The following PTPRS variants were observed in gnomAD, a reference collection of about 807,000 sequenced individuals.
PTPRS encodes the protein protein tyrosine phosphatase receptor type S.
A neutral mutation model predicts 215.3 loss-of-function variants in PTPRS; 63 were observed. That is an observed-to-expected ratio of 0.29 (90% CI 0.24 to 0.36). The LOEUF (loss-of-function observed/expected upper bound fraction) is 0.36, where lower values mean the gene tolerates loss of function less well. Among genes scored for constraint, PTPRS ranks in the 10% least tolerant of loss-of-function variants. The probability of loss-of-function intolerance (pLI) is 1.00; values close to 1 mark genes in which losing one functional copy is unlikely to be tolerated. For synonymous variants in PTPRS, 1,404 were observed against 1,191.4 expected, an observed-to-expected ratio of 1.18 and a Z score of -3.68; for missense variants, 2,258 against 2,825.8, an observed-to-expected ratio of 0.80 and a Z score of 4.56.
In PTPRS at chr19:5,215,606, G is replaced by A. The variant is rs762109045; in HGVS notation, c.4097-11C>T. On this transcript the variant is annotated splice_polypyrimidine_tract_variant and intron_variant, in intron 26 of 37. Coordinates refer to ENST00000262963, the MANE Select transcript of PTPRS (RefSeq NM_002850.4). ...GGTGGCTAAGCATGCCTACAGGGTG[G>A]AGCAGACCCCGCCGGGGTTGGTCAC... is the stretch of plus-strand genomic sequence containing the variant. 3.9e-5 allele frequency: 62 copies of A among 1,586,558 alleles called. No individual in the cohort carries two copies. The highest frequency in any genetic ancestry group is 4.6e-5 in the Non-Finnish European group (53 of 1,163,540).
intron 1 of PTPRS, among the ~76,000 whole-genome samples, chr19:5,288,125 G>A (rs566721284): frequency 7.8e-4 from 119 of 152,170 alleles, no homozygotes; most frequent in African/African-American, 2.8e-3. Flanking sequence ...TGGTGGGGCA[G>A]GCAGTACACA....
intron 1 of PTPRS, among the ~76,000 whole-genome samples, chr19:5,322,955 T>C (rs933288304): frequency 6.6e-6 from 1 of 151,470 alleles, no homozygotes; most frequent in African/African-American, 2.4e-5. Flanking sequence ...CAGAGCCTCA[T>C]TTCTTCCCCT....
chr19:5,246,085 A>G (rs1599666702), intron 9 of PTPRS, 40 bp from the exon 10 acceptor site: 1 of 794,324 alleles, frequency 1.3e-6, no homozygotes, highest in South Asian at 2.1e-5. Flanking sequence ...GGGAGATGCG[A>G]GGGGTGAGGT....
At position 5,219,961 on chromosome 19, in the gene PTPRS, G is replaced by A; in HGVS notation, c.3743C>T (p.Ala1248Val). 6.2e-7 allele frequency: 1 copy of A among 1,613,864 alleles called. No homozygotes were observed. The highest frequency in any genetic ancestry group is 8.5e-7 in the Non-Finnish European group (1 of 1,179,926). Residue 1248 changes from alanine (A) to valine (V), a missense_variant, in exon 22 of 38, where the codon GCC (alanine) becomes GTC (valine). By Grantham distance (64) the Ala-to-Val change is moderately conservative (BLOSUM62 0). Coordinates refer to ENST00000262963, the MANE Select transcript of PTPRS (RefSeq NM_002850.4). The part of the protein sequence containing the change: ...PGHRYVLFVL[A>V]VLQKSEPTFA... ...TACAGGCTCGCTCTTCTGAAGCACG[G>A]CAAGCACGAAGAGGACATAGCGGTG...
In PTPRS at chr19:5,233,722, T is replaced by C. The variant is rs2043197940; in HGVS notation, c.1850-2107A>G. Among the ~76,000 whole-genome samples, 3 of 151,014 alleles carry C rather than the reference T, an allele frequency of 2.0e-5. No individual in the cohort carries two copies. In the South Asian group the frequency reaches 6.3e-4, roughly 32 times the overall value. On this transcript the variant is annotated intron_variant, in intron 13 of 37. Transcript: ENST00000262963. Reference sequence around the variant, plus strand: ...ACTTTGGGAGGCCGAGGTGGGTGGATCACGAGGTCAGGAGTTAGAGAGACC... The same window carrying C: ...ACTTTGGGAGGCCGAGGTGGGTGGACCACGAGGTCAGGAGTTAGAGAGACC...
At chr19:5,225,706 G>A (rs1384818333) in intron 17 of PTPRS, 21 bp downstream of exon 17, 2 of 1,598,136 alleles carry the variant, frequency 1.3e-6, no homozygotes, top group African/African-American at 1.3e-5. Context: ...TTGGTGGGTG[G>A]GAGGAGGGCG....
chr19:5,223,288 C>T lies in PTPRS; in HGVS notation c.2504G>A (p.Arg835His), dbSNP rs746587534. Reference sequence around the variant, plus strand: ...GGTCTGCTGCACCGACAGGGTTGGGCGGCCCAGCACTGCGGGGATACGGGG... The same window carrying T: ...GGTCTGCTGCACCGACAGGGTTGGGTGGCCCAGCACTGCGGGGATACGGGG... ...VVVTKGAVLGRPTLSVQQTPE... is the reference protein window; with the variant it reads ...VVVTKGAVLGHPTLSVQQTPE... Residue 835 changes from arginine to histidine, a missense_variant, in exon 18 of 38, where the codon CGC becomes CAC. Arg to His is a conservative substitution (Grantham distance 29). Around this residue, in one of 6 missense-constraint regions of PTPRS, gnomAD observed 371 missense variants for 446.7 expected, o/e 0.83. Coordinates refer to ENST00000262963, the MANE Select transcript of PTPRS (RefSeq NM_002850.4). 15 of 1,459,250 alleles carry T rather than the reference C, an allele frequency of 1.0e-5. No individual in the cohort carries two copies. The Admixed American group carries it at 1.8e-4, about 17-fold the overall frequency. The allele number at this position is 1,459,250 out of a possible 1,614,324, so 90.4% of individuals were successfully genotyped here.
intron 9 of PTPRS, among the ~76,000 whole-genome samples, chr19:5,247,990 G>A (rs2044652872): frequency 6.6e-6 from 1 of 150,586 alleles, no homozygotes; most frequent in Non-Finnish European, 1.5e-5. Context: ...GGAGACAGAA[G>A]GGCCATGCAC....
chr19:5,308,333 C>G (rs2049570349), intron 1 of PTPRS, among the ~76,000 whole-genome samples: 1 of 152,130 alleles, frequency 6.6e-6, no homozygotes, highest in Non-Finnish European at 1.5e-5. Context: ...GATGGGAACT[C>G]TTTAACTATA....
At chr19:5,280,749 T>C (rs1364056757) in intron 2 of PTPRS, among the ~76,000 whole-genome samples, 1 of 151,552 alleles carries the variant, frequency 6.6e-6, no homozygotes, top group Non-Finnish European at 1.5e-5. Context: ...AAAAAATCAC[T>C]AGACCCACCA....
At chr19:5,211,139 G>A (rs1256191233) in intron 33 of PTPRS, among the ~76,000 whole-genome samples, 1 of 152,188 alleles carries the variant, frequency 6.6e-6, no homozygotes, top group East Asian at 1.9e-4. Flanking sequence ...CCGGGCCTTT[G>A]CACATGTGGC....
In PTPRS at chr19:5,240,294, A is replaced by C. The variant is rs769272223; in HGVS notation, c.1609T>G (p.Ser537Ala). ...QPMNLRAEAR[S>A]ETSITLSWSP... ...CAGGACAGCGTGATGCTGGTCTCCGACCTGGCCTCGGCCCGCAGGTTCATG... is the reference window on the plus strand; with the variant it reads ...CAGGACAGCGTGATGCTGGTCTCCGCCCTGGCCTCGGCCCGCAGGTTCATG... The change falls in exon 12 of 38, where the codon TCG becomes GCG. Residue 537 changes from serine to alanine, a missense_variant. Ser to Ala is a moderately conservative substitution (Grantham distance 99). Coordinates refer to ENST00000262963, the MANE Select transcript of PTPRS (RefSeq NM_002850.4). The C allele has an allele frequency of 3.1e-6, 5 of 1,603,488 alleles. No homozygotes were observed. The highest frequency in any genetic ancestry group is 4.3e-6 in the Non-Finnish European group (5 of 1,176,240).
chr19:5,291,131 G>A (rs1301132990), intron 1 of PTPRS, among the ~76,000 whole-genome samples: 5 of 152,030 alleles, frequency 3.3e-5, no homozygotes, highest in East Asian at 3.9e-4. Context: ...GTATTGGGAC[G>A]ACGTGAAGGC....
rs893688199 is a variant in PTPRS, at chr19:5,287,833, G to A, written c.-94-1599C>T. 6.6e-6 allele frequency among the ~76,000 whole-genome samples: 1 copy of A among 151,918 alleles called. No individual in the cohort carries two copies. The highest frequency in any genetic ancestry group is 6.6e-5 in the Admixed American group (1 of 15,250). On this transcript the variant is annotated intron_variant, in intron 1 of 37. Coordinates refer to ENST00000262963, the MANE Select transcript of PTPRS (RefSeq NM_002850.4). The surrounding 1 kb of genome is among the most constrained non-coding windows in gnomAD (Gnocchi z 4.8). ...CAGAGAACGATGCCTGCTAAATCAC[G>A]CCACAGACATACACAGATGCACACA...
At chr19:5,299,173 C>T (rs1172912394) in intron 1 of PTPRS, among the ~76,000 whole-genome samples, 1 of 152,204 alleles carries the variant, frequency 6.6e-6, no homozygotes, top group Admixed American at 6.5e-5. Context: ...CTGCCCACAG[C>T]CCTCCATGGC....
At chr19:5,242,088 C>G (rs1013086492) in intron 11 of PTPRS, among the ~76,000 whole-genome samples, 1 of 152,262 alleles carries the variant, frequency 6.6e-6, no homozygotes, top group African/African-American at 2.4e-5. Context: ...CCTGCCTCAG[C>G]CTCCCAACGT....
intron 9 of PTPRS, among the ~76,000 whole-genome samples, chr19:5,255,768 G>C (rs936655124): frequency 1.2e-4 from 18 of 152,166 alleles, no homozygotes; most frequent in Non-Finnish European, 2.6e-4. Context: ...ATGACGACGA[G>C]GAGTGCAAAA....
chr19:5,284,671 C>T (rs747773877), intron 2 of PTPRS, among the ~76,000 whole-genome samples: 9 of 151,812 alleles, frequency 5.9e-5, no homozygotes, highest in East Asian at 1.9e-4. Context: ...GGCTGGATGC[C>T]GTGGCTGGCT....
intron 1 of PTPRS, among the ~76,000 whole-genome samples, chr19:5,336,276 G>T: frequency 7.6e-6 from 1 of 130,812 alleles, no homozygotes; most frequent in Non-Finnish European, 1.6e-5. Context: ...GGGGGGGGCG[G>T]GGGGGAAACC....
Sources: allele counts gnomAD v4.1 joint callset (sites outside exome capture counted in the v4.1 genomes callset), GRCh38; gene constraint gnomAD v4.1.1; regional missense constraint gnomAD v4.1.1; non-coding constraint Gnocchi (gnomAD v3.1); transcripts MANE v1.5; gene names NCBI Gene and HGNC (gene_info 2026-07-23, HGNC 2026-07-21).